The following C12orf42 variants were observed in gnomAD, a reference collection of about 807,000 sequenced individuals.
The protein encoded by C12orf42 is uncharacterized protein C12orf42.
A neutral mutation model predicts 21.6 loss-of-function variants in C12orf42; 25 were observed. The ratio of observed to expected loss-of-function variants is 1.16; its 90% CI spans 0.84 to 1.62. The LOEUF is 1.62. C12orf42 is among the 40% of genes most tolerant of loss of function. The probability of loss-of-function intolerance (pLI) is 0.00; values close to 1 mark genes in which losing one functional copy is unlikely to be tolerated. For missense variants in C12orf42, 483 were observed against 459.3 expected (o/e 1.05, Z -0.47); for synonymous variants, 174 against 175.0 (o/e 0.99, Z 0.05).
chr12:103,485,060 G>A lies in C12orf42; in HGVS notation c.-21-6613C>T, dbSNP rs143174025. Among the ~76,000 whole-genome samples the A allele has an allele frequency of 5.2e-3, 795 of 151,854 alleles. 6 individuals carry two copies. Among genetic ancestry groups the A allele is most frequent in the African/African-American group, 0.018 (752 of 41,414 alleles). On this transcript the variant is annotated intron_variant, in intron 1 of 5. Transcript: ENST00000548883. Reference sequence around the variant, plus strand: ...AATTTTTTGTATTTTTGGTAGAGACGGGGTTTCACCATGTTAGCCAGGATG... The same window carrying A: ...AATTTTTTGTATTTTTGGTAGAGACAGGGTTTCACCATGTTAGCCAGGATG...
At chr12:103,194,434 A>G in the C12orf42 span, among the ~76,000 whole-genome samples, 1 of 152,196 alleles carries the variant, frequency 6.6e-6, no homozygotes, top group African/African-American at 2.4e-5. Flanking sequence ...AAAGGACTCC[A>G]CAAACTGTTA....
At chr12:103,186,095 A>G in the C12orf42 span, among the ~76,000 whole-genome samples, 19 of 152,298 alleles carry the variant, frequency 1.2e-4, no homozygotes, top group East Asian at 1.7e-3. Flanking sequence ...ACAGCTCTGG[A>G]CATACAAAAG....
the C12orf42 span, among the ~76,000 whole-genome samples, chr12:103,109,681 T>C: frequency 6.6e-6 from 1 of 150,692 alleles, no homozygotes; most frequent in Non-Finnish European, 1.5e-5. Context: ...ATGAGAAGAC[T>C]GATTAGAAAT....
Position 103,463,065 on chromosome 12 carries a change from G to C in C12orf42, c.78+15284C>G, listed in dbSNP as rs2137711668. 1.3e-5 allele frequency among the ~76,000 whole-genome samples: 2 copies of C among 152,292 alleles called. 1 individual carries two copies. The highest frequency in any genetic ancestry group is 1.3e-4 in the Admixed American group (2 of 15,292). ...CTCATTTCCAACTGAAAAGGAGACT[G>C]ATATATAATGGGATCGCTCTTAAAA... On this transcript the variant is annotated intron_variant, in intron 2 of 5. Transcript: ENST00000548883.
At chr12:103,363,737 A>G (rs1228551894) in intron 4 of C12orf42, among the ~76,000 whole-genome samples, 1 of 152,140 alleles carries the variant, frequency 6.6e-6, no homozygotes, top group Non-Finnish European at 1.5e-5. Context: ...CAACACTTAA[A>G]AAAGACAAAG....
chr12:103,492,754 C>T lies in C12orf42; in HGVS notation c.-22+3148G>A, dbSNP rs146855772. On this transcript the variant is annotated intron_variant, in intron 1 of 5. Transcript: ENST00000548883. Reference sequence around the variant, plus strand: ...TGAGGGCATAGGGCAAGTCAAGTGTCTGTCTCCAGGCCCACCATCTCCTTT... The same window carrying T: ...TGAGGGCATAGGGCAAGTCAAGTGTTTGTCTCCAGGCCCACCATCTCCTTT... Among the ~76,000 whole-genome samples the T allele has an allele frequency of 4.4e-3, 664 of 152,274 alleles. 1 individual carries two copies. The highest frequency in any genetic ancestry group is 8.0e-3 in the Non-Finnish European group (544 of 68,014).
At chr12:103,181,651 CTG>C in the C12orf42 span, among the ~76,000 whole-genome samples, 1 of 152,244 alleles carries the variant, frequency 6.6e-6, no homozygotes, top group South Asian at 2.1e-4. Flanking sequence ...TTTATGTAAA[CTG>C]TGAAAGTACC....
At chr12:103,240,784 A>C (rs1241287774) in intron 10 of C12orf42, among the ~76,000 whole-genome samples, 3 of 152,204 alleles carry the variant, frequency 2.0e-5, no homozygotes, top group African/African-American at 7.2e-5. Flanking sequence ...ATTGCATTAA[A>C]ATTATGTGAA....
chr12:103,162,960 C>T, the C12orf42 span: 17 of 152,208 alleles, frequency 1.1e-4, no homozygotes, highest in African/African-American at 4.1e-4. Context: ...GGTGAGATGC[C>T]CTTTCACCAG....
At chr12:103,129,260 T>A in the C12orf42 span, among the ~76,000 whole-genome samples, 1 of 152,132 alleles carries the variant, frequency 6.6e-6, no homozygotes, top group Non-Finnish European at 1.5e-5. Context: ...GGAAAGAGAT[T>A]ATGAACTGAT....
chr12:103,419,863 T>C (rs2049713748), intron 2 of C12orf42, among the ~76,000 whole-genome samples: 1 of 152,200 alleles, frequency 6.6e-6, no homozygotes, highest in Admixed American at 6.5e-5. Context: ...AGGGGCTTTA[T>C]ACAGAAGGTT....
chr12:103,161,709 A>G, the C12orf42 span: 1 of 152,354 alleles, frequency 6.6e-6, no homozygotes, highest in Non-Finnish European at 1.5e-5. Context: ...CACAGTAGTT[A>G]GTACTGGGCA....
At chr12:103,390,233 T>C (rs2046958883) in intron 3 of C12orf42, among the ~76,000 whole-genome samples, 1 of 152,234 alleles carries the variant, frequency 6.6e-6, no homozygotes, top group Admixed American at 6.5e-5. Context: ...ATACAGCATT[T>C]AACTATGTTC....
chr12:103,163,849 G>C, the C12orf42 span, among the ~76,000 whole-genome samples: 2 of 152,140 alleles, frequency 1.3e-5, no homozygotes, highest in African/African-American at 4.8e-5. Context: ...TAGGGTCATG[G>C]AGAGGATTAA....
chr12:103,298,180 T>A (rs1028990300), downstream of C12orf42, among the ~76,000 whole-genome samples: 12 of 152,108 alleles, frequency 7.9e-5, no homozygotes, highest in African/African-American at 2.9e-4. Flanking sequence ...TGTTTGCAGA[T>A]GACATGATTG....
the C12orf42 span, among the ~76,000 whole-genome samples, chr12:103,068,385 T>C: frequency 3.3e-5 from 5 of 152,314 alleles, no homozygotes; most frequent in East Asian, 9.6e-4. Flanking sequence ...AGTTGTATTC[T>C]GTTAGAGGTA....
At chr12:103,084,399 T>A in the C12orf42 span, among the ~76,000 whole-genome samples, 25 of 152,298 alleles carry the variant, frequency 1.6e-4, no homozygotes, top group South Asian at 2.1e-4. Context: ...TACTTTTTTT[T>A]AAATTATACT....
chr12:103,423,869 T>C (rs1949576643), intron 2 of C12orf42, among the ~76,000 whole-genome samples: 1 of 152,256 alleles, frequency 6.6e-6, no homozygotes, highest in Admixed American at 6.5e-5. Flanking sequence ...AAGTTGAGAA[T>C]TAGACTCCAG....
chr12:103,063,324 C>T, the C12orf42 span, among the ~76,000 whole-genome samples: 1 of 152,150 alleles, frequency 6.6e-6, no homozygotes, highest in African/African-American at 2.4e-5. Context: ...TCTTATCATG[C>T]AACTGACTGA....
Sources: gnomAD v4.1 joint callset for allele counts (sites outside exome capture counted in the v4.1 genomes callset) on GRCh38, gnomAD v4.1.1 for gene constraint, MANE v1.5 for transcripts, NCBI Gene and HGNC (gene_info 2026-07-23, HGNC 2026-07-21) for gene names.